The following OBSL1 variants were observed in gnomAD, a reference collection of about 807,000 sequenced individuals.
OBSL1 encodes obscurin-like protein 1.
In OBSL1, 160 loss-of-function variants were observed where a neutral mutation model predicts 172.0. That is an observed-to-expected ratio of 0.93 (90% CI 0.82 to 1.06). The LOEUF is 1.06. Ranked by LOEUF, OBSL1 falls within the 50% of genes least tolerant of loss-of-function variation. OBSL1 has a pLI of 0.00. For missense variants in OBSL1, 2,681 were observed against 2,715.4 expected, an observed-to-expected ratio of 0.99 and a Z score of 0.28; for synonymous variants, 1,200 against 1,196.3, an observed-to-expected ratio of 1.00 and a Z score of -0.06.
At chr2:219,557,206 A>T in intron 12 of OBSL1, 137 bp downstream of exon 12, 1 of 796,566 alleles carries the variant, frequency 1.3e-6, no homozygotes, top group Non-Finnish European at 1.8e-6. Context: ...CTGAGCCCCT[A>T]TCCAAGTGAT....
chr2:219,553,238 G>A (rs1244200209), intron 16 of OBSL1, among the ~76,000 whole-genome samples: 1 of 152,200 alleles, frequency 6.6e-6, no homozygotes. Context: ...GGACCTTAGG[G>A]CCGCCAAGGC....
chr2:219,556,804 C>G, intron 12 of OBSL1, 81 bp from the exon 13 acceptor site: 1 of 1,420,448 alleles, frequency 7.0e-7, no homozygotes, highest in Non-Finnish European at 9.5e-7. Context: ...GATGCAGGCC[C>G]TCGTCCCCAG....
At chr2:219,554,321 CAG>C (rs1443162369) in intron 15 of OBSL1, 151 bp downstream of exon 15, 1 of 956,762 alleles carries the variant, frequency 1.0e-6, no homozygotes, top group Admixed American at 2.1e-5. Flanking sequence ...GCCTATGAGT[CAG>C]GGGGATCACA....
Position 219,556,042 on chromosome 2 carries a change from G to A in OBSL1, c.4587C>T (p.Thr1529=). 6.2e-7 allele frequency: 1 copy of A among 1,613,614 alleles called. No individual in the cohort carries two copies. The highest frequency in any genetic ancestry group is 8.5e-7 in the Non-Finnish European group (1 of 1,179,894). ...TYGCESHHDR[T]LARLSVRPRQ... ...CACGCCTCACGCTGAGCCTGGCCAG[G>A]GTGCGATCGTGGTGGCTCTCGCAGC... The change falls in exon 14 of 21, where the codon ACC becomes ACT. Residue 1529 remains threonine, a synonymous_variant. Transcript: ENST00000404537.
chr2:219,566,842 G>A lies in OBSL1; in HGVS notation c.2122C>T (p.Leu708Phe), dbSNP rs1177476031. The A allele has an allele frequency of 3.2e-6, 5 of 1,582,478 alleles. No individual in the cohort carries two copies. The highest frequency in any genetic ancestry group is 4.3e-6 in the Non-Finnish European group (5 of 1,157,428). The change falls in exon 5 of 21, where the codon CTC becomes TTC. Residue 708 changes from leucine to phenylalanine, a missense_variant. Around this residue, in one of 5 missense-constraint regions of OBSL1, gnomAD observed 1,765 missense variants for 1,748.3 expected, o/e 1.01. Coordinates refer to ENST00000404537, the MANE Select transcript of OBSL1 (RefSeq NM_015311.3). ...CACTGGCACCAACCTTGGATTGTGA[G>A]GGCAGCTGAGTCCTGCACGCCGGGG... ...SCPGVQDSAA[L>F]TIQESPVHIL...
downstream of OBSL1, chr2:219,550,488 T>A: frequency 3.0e-6 from 1 of 337,506 alleles, no homozygotes; most frequent in Non-Finnish European, 5.6e-6. Flanking sequence ...ACGGTGCATG[T>A]CTGGTGTCTG....
chr2:219,547,878 G>C, downstream of OBSL1: 1 of 1,596,162 alleles, frequency 6.3e-7, no homozygotes, highest in Non-Finnish European at 8.5e-7. Context: ...GCCGTGACTG[G>C]TGCTGCGCTG....
chr2:219,567,487 G>C lies in OBSL1; in HGVS notation c.1623C>G (p.Pro541=), dbSNP rs752506766. The C allele has an allele frequency of 6.2e-7, 1 of 1,613,508 alleles. No homozygotes were observed. Among genetic ancestry groups the C allele is most frequent in the Non-Finnish European group, 8.5e-7 (1 of 1,179,710 alleles). The change falls in exon 4 of 21, where the codon CCC becomes CCG. Residue 541 remains proline (P), a synonymous_variant. Coordinates refer to ENST00000404537, the MANE Select transcript of OBSL1 (RefSeq NM_015311.3). ...TGAATGGGGTCTCGGGAGCTGGCTC[G>C]GGAGGCTTCCAGGTCAACAGGACCG... ...KNTVLLTWKP[P]EPAPETPFIY...
chr2:219,561,873 G>T, intron 8 of OBSL1: 1 of 717,374 alleles, frequency 1.4e-6, no homozygotes, highest in Non-Finnish European at 2.6e-6. Context: ...CCCAAACTAT[G>T]GGGGCAGCTG....
At chr2:219,554,450 A>ACAG in intron 15 of OBSL1, 24 bp downstream of exon 15, 1 of 1,610,022 alleles carries the variant, frequency 6.2e-7, no homozygotes, top group South Asian at 1.1e-5. Context: ...GTCAGCAGGC[A>ACAG]GGCTGTGGTC....
chr2:219,556,037 G>A lies in OBSL1; in HGVS notation c.4592C>T (p.Ala1531Val). The change falls in exon 14 of 21, where the codon GCC becomes GTC. Residue 1531 changes from alanine to valine, a missense_variant. Ala to Val is a moderately conservative substitution (Grantham distance 64). Around this residue, in one of 5 missense-constraint regions of OBSL1, gnomAD observed 1,765 missense variants for 1,748.3 expected, o/e 1.01. Transcript: ENST00000404537. ...GCACTCACGCCTCACGCTGAGCCTG[G>A]CCAGGGTGCGATCGTGGTGGCTCTC... ...GCESHHDRTL[A>V]RLSVRPRQLR... 6.2e-7 allele frequency: 1 copy of A among 1,613,586 alleles called. No homozygotes were observed. Among genetic ancestry groups the A allele is most frequent in the South Asian group, 1.1e-5 (1 of 91,076 alleles).
At chr2:219,550,009 C>T, downstream of OBSL1, 1 of 1,071,264 alleles carries the variant, frequency 9.3e-7, no homozygotes, top group South Asian at 1.7e-5. Flanking sequence ...TCAGGCGAGT[C>T]TTGGCCTGAG....
chr2:219,562,829 T>A, intron 7 of OBSL1, 155 bp from the exon 8 acceptor site: 1 of 766,976 alleles, frequency 1.3e-6, no homozygotes, highest in Non-Finnish European at 2.1e-6. Context: ...TACTCACAGC[T>A]AGAGACACAC....
intron 6 of OBSL1, among the ~76,000 whole-genome samples, chr2:219,564,668 G>A (rs1338725497): frequency 2.6e-5 from 4 of 152,242 alleles, no homozygotes; most frequent in South Asian, 2.1e-4. Flanking sequence ...CACGCTGTGC[G>A]TGGCACACAC....
chr2:219,548,426 T>C (rs149263369), downstream of OBSL1, among the ~76,000 whole-genome samples: 6 of 152,324 alleles, frequency 3.9e-5, no homozygotes, highest in East Asian at 1.9e-4. Flanking sequence ...AGAGACATTG[T>C]GCAGGATAAT....
At position 219,552,218 on chromosome 2, in the gene OBSL1, T is replaced by TG; in HGVS notation, c.5309-3dup. 6.3e-7 allele frequency: 1 copy of TG among 1,595,916 alleles called. No individual in the cohort carries two copies. Among genetic ancestry groups the TG allele is most frequent in the Non-Finnish European group, 8.5e-7 (1 of 1,171,994 alleles). ...TAAGCACCAGAATGTGTTTCTTCCC[T>TG]GGGGGTGAGGGGGTCGCTAGCGAGG... On this transcript the variant is annotated splice_region_variant and splice_polypyrimidine_tract_variant and intron_variant, in intron 18 of 20. Coordinates refer to ENST00000404537, the MANE Select transcript of OBSL1 (RefSeq NM_015311.3).
In OBSL1 at chr2:219,568,380, A is replaced by T. The variant is rs571926463; in HGVS notation, c.1013-56T>A. 183 of 1,507,880 alleles carry T rather than the reference A, an allele frequency of 1.2e-4. No individual in the cohort carries two copies. Among genetic ancestry groups the T allele is most frequent in the Non-Finnish European group, 1.6e-4 (178 of 1,119,394 alleles). 93.4% of individuals were successfully genotyped at this position (1,507,880 alleles called of 1,614,324 possible). Reference sequence around the variant, plus strand: ...GGCTCTGGAGAAGGCCCAGACTAGGAGTAGGATACCTAGAAGCGCATTAGC... The same window carrying T: ...GGCTCTGGAGAAGGCCCAGACTAGGTGTAGGATACCTAGAAGCGCATTAGC... On this transcript the variant is annotated intron_variant, in intron 1 of 20. Transcript: ENST00000404537. The surrounding 1 kb of genome is among the most constrained non-coding windows in gnomAD (Gnocchi z 4.1).
chr2:219,565,934 T>C (rs1313660713), intron 5 of OBSL1, among the ~76,000 whole-genome samples: 2 of 152,214 alleles, frequency 1.3e-5, no homozygotes, highest in African/African-American at 4.8e-5. Flanking sequence ...AATGGTGACA[T>C]GGCAAATGCT....
At chr2:219,551,082 T>A in intron 20 of OBSL1, 1 of 1,414,760 alleles carries the variant, frequency 7.1e-7, no homozygotes, top group South Asian at 1.5e-5. Context: ...ATGTCTCTTA[T>A]GGGGAAGAGG....
Sources: gnomAD v4.1 joint callset for allele counts (sites outside exome capture counted in the v4.1 genomes callset) on GRCh38, gnomAD v4.1.1 for gene constraint, gnomAD v4.1.1 regional missense constraint, Gnocchi (gnomAD v3.1) non-coding constraint, MANE v1.5 for transcripts, NCBI Gene and HGNC (gene_info 2026-07-23, HGNC 2026-07-21) for gene names.